DSG4: variants seen among roughly 807,000 people sequenced by gnomAD.
The protein encoded by DSG4 is desmoglein-4.
Under a neutral mutation model 93.1 loss-of-function variants are expected in DSG4, and 87 were observed. That is an observed-to-expected ratio of 0.93 (90% CI 0.79 to 1.12). The LOEUF is 1.12. Ranked by LOEUF, DSG4 falls within the 50% of genes most tolerant of loss-of-function variation. The pLI, the probability that DSG4 is intolerant of heterozygous loss-of-function variation, is 0.00. For missense variants in DSG4, 1,373 were observed against 1,285.7 expected (o/e 1.07, Z -1.04); for synonymous variants, 432 against 452.9 (o/e 0.95, Z 0.59).
chr18:31,401,085 C>T (rs1294048321), intron 10 of DSG4, 65 bp downstream of exon 10: 1 of 1,346,452 alleles, frequency 7.4e-7, no homozygotes, highest in African/African-American at 1.5e-5. Context: ...TTATGTTATT[C>T]TAATGCTGAT....
chr18:31,404,668 A>G (rs1381078020), intron 11 of DSG4, among the ~76,000 whole-genome samples: 1 of 152,232 alleles, frequency 6.6e-6, no homozygotes, highest in Admixed American at 6.5e-5. Flanking sequence ...GTAAGAAATT[A>G]GGCAATTTGT....
chr18:31,413,641 T>TTA lies in DSG4; in HGVS notation c.*46_*47insTA. On this transcript the variant is annotated 3_prime_UTR_variant, in exon 16 of 16. Transcript: ENST00000308128. The stretch of plus-strand genomic sequence containing the variant: ...TATGTGGAGACCTTGCACCTTGTAA[T>TTA]CATCAATACATCCACCAAAAATATA... The TTA allele has an allele frequency of 6.3e-7, 1 of 1,598,130 alleles. No homozygotes were observed. The highest frequency in any genetic ancestry group is 8.5e-7 in the Non-Finnish European group (1 of 1,173,042).
Position 31,386,607 on chromosome 18 carries a change from C to A in DSG4, c.85-81C>A, listed in dbSNP as rs1180928582. The stretch of plus-strand genomic sequence containing the variant: ...TCAATATCACTGTTTCTTCTAAATG[C>A]ACCTTACAATATTAAATAAATGTCC... On this transcript the variant is annotated intron_variant, in intron 2 of 15. Coordinates refer to ENST00000308128, the MANE Select transcript of DSG4 (RefSeq NM_177986.5). 7 of 1,573,700 alleles carry A rather than the reference C, an allele frequency of 4.4e-6. No individual in the cohort carries two copies. The African/African-American group carries it at 5.4e-5, about 12-fold the overall frequency.
intron 10 of DSG4, 34 bp from the exon 11 acceptor site, chr18:31,403,382 T>C (rs747156602): frequency 1.3e-6 from 2 of 1,560,674 alleles, no homozygotes; most frequent in Non-Finnish European, 1.8e-6. Context: ...CCTAACACCA[T>C]TTACCTCAAC....
rs149615937 is a variant in DSG4 at position 31,390,816 on chromosome 18, C to T, written c.678C>T (p.Asp226=). 77 of 1,613,314 alleles carry T rather than the reference C, an allele frequency of 4.8e-5. No individual in the cohort carries two copies. In the African/African-American group the frequency reaches 1.0e-3, roughly 21 times the overall value. The change falls in exon 6 of 16, where the codon GAC becomes GAT. Residue 226 remains aspartate (D), a synonymous_variant. Transcript: ENST00000308128. ...TCTGCACCATGTCCAGTTTCTTGGA[C>T]AGAGAGGTAAAGCCTTCTGTGAATG... The part of the protein sequence containing the change: ...GEVCTMSSFL[D]REQHSMYNLV...
At position 31,409,799 on chromosome 18, in the gene DSG4, G is replaced by T; in HGVS notation, c.2128G>T (p.Asp710Tyr). 6.2e-7 allele frequency: 1 copy of T among 1,614,090 alleles called. No individual in the cohort carries two copies. The highest frequency in any genetic ancestry group is 2.2e-5 in the East Asian group (1 of 44,884). The change falls in exon 14 of 16, where the codon GAT becomes TAT. Residue 710 changes from aspartate to tyrosine, a missense_variant. Asp to Tyr is a radical substitution (Grantham distance 160). Transcript: ENST00000308128. Reference sequence around the variant, plus strand: ...AGCCTCAAATACCCAGGATCGGATGGATTCCTCTGGTCAGTAGACACCAAA... The same window carrying T: ...AGCCTCAAATACCCAGGATCGGATGTATTCCTCTGGTCAGTAGACACCAAA... ...MTASNTQDRM[D>Y]SSEIYTNTYA... is the part of the protein sequence containing the mutation.
At chr18:31,394,491 C>T (rs113840509) in intron 8 of DSG4, among the ~76,000 whole-genome samples, 3,033 of 152,174 alleles carry the variant, frequency 0.02, 100 homozygotes, top group African/African-American at 0.069. Flanking sequence ...GCAGGAGAAT[C>T]GCTTGAACCC....
intron 12 of DSG4, 143 bp downstream of exon 12, chr18:31,406,516 A>T: frequency 1.1e-6 from 1 of 891,188 alleles, no homozygotes; most frequent in Non-Finnish European, 1.8e-6. Flanking sequence ...AAACAATGGG[A>T]CTGACAAATA....
rs759593717 is a variant in DSG4, at chr18:31,382,986, TC to T, written c.49-2148del. ...GACCAAGGTAAAATGAACTCAAAAC[TC>T]CTCATCCGTTTAAACTACAGACAAG... On this transcript the variant is annotated intron_variant, in intron 1 of 15. Coordinates refer to ENST00000308128, the MANE Select transcript of DSG4 (RefSeq NM_177986.5). 7.4e-4 allele frequency among the ~76,000 whole-genome samples: 113 copies of T among 152,324 alleles called. 1 individual carries two copies. Among genetic ancestry groups the T allele is most frequent in the Middle Eastern group, 3.4e-3 (1 of 294 alleles).
At chr18:31,406,503 A>T in intron 12 of DSG4, 130 bp downstream of exon 12, 1 of 1,016,668 alleles carries the variant, frequency 9.8e-7, no homozygotes, top group Non-Finnish European at 1.5e-6. Context: ...GTGCCTTAGA[A>T]ATAAACAATG....
chr18:31,400,034 G>A (rs1156970571), intron 9 of DSG4, among the ~76,000 whole-genome samples: 2 of 152,140 alleles, frequency 1.3e-5, no homozygotes, highest in Non-Finnish European at 2.9e-5. Context: ...CATAGGGAGA[G>A]TCAGAAGAGG....
At chr18:31,391,251 C>T in intron 7 of DSG4, 39 bp downstream of exon 7, 1 of 1,611,578 alleles carries the variant, frequency 6.2e-7, no homozygotes, top group Non-Finnish European at 8.5e-7. Flanking sequence ...CCATAAGTGT[C>T]AATAATCAAT....
intron 1 of DSG4, among the ~76,000 whole-genome samples, chr18:31,381,631 A>C (rs2072135506): frequency 6.6e-6 from 1 of 151,960 alleles, no homozygotes; most frequent in African/African-American, 2.4e-5. Flanking sequence ...TTTCTTTCTC[A>C]GAAATTAGCA....
intron 10 of DSG4, among the ~76,000 whole-genome samples, chr18:31,402,734 A>G: frequency 6.6e-6 from 1 of 152,196 alleles, no homozygotes; most frequent in East Asian, 1.9e-4. Context: ...TCGCTGTAAC[A>G]GAACATAGAG....
chr18:31,411,264 C>A lies in DSG4; in HGVS notation c.2171C>A (p.Thr724Lys). The change falls in exon 15 of 16, where the codon ACG (threonine) becomes AAG (lysine). Residue 724 changes from threonine to lysine, a missense_variant. Coordinates refer to ENST00000308128, the MANE Select transcript of DSG4 (RefSeq NM_177986.5). The stretch of plus-strand genomic sequence containing the variant: ...ACCAACACCTATGCAGCCGGGGGCA[C>A]GGTGGAAGGAGGTGTATCGGGAGTG... Reference protein sequence around the residue: ...IYTNTYAAGGTVEGGVSGVEL... With the variant: ...IYTNTYAAGGKVEGGVSGVEL... 1 of 1,613,612 alleles carries A rather than the reference C, an allele frequency of 6.2e-7. No homozygotes were observed. Among genetic ancestry groups the A allele is most frequent in the Non-Finnish European group, 8.5e-7 (1 of 1,180,018 alleles).
chr18:31,381,211 C>T (rs2072130548), intron 1 of DSG4, among the ~76,000 whole-genome samples: 1 of 152,150 alleles, frequency 6.6e-6, no homozygotes, highest in Non-Finnish European at 1.5e-5. Context: ...TTAACATGGT[C>T]AGTGAGCTTT....
At chr18:31,406,721 T>G (rs1337979681) in intron 12 of DSG4, among the ~76,000 whole-genome samples, 2 of 152,168 alleles carry the variant, frequency 1.3e-5, no homozygotes, top group Non-Finnish European at 2.9e-5. Flanking sequence ...AGGACAATCT[T>G]TTGGAAAAGT....
Position 31,406,449 on chromosome 18 carries a change from G to C in DSG4, c.1933+76G>C. 1.9e-6 allele frequency: 3 copies of C among 1,570,990 alleles called. No homozygotes were observed. In the South Asian group the frequency reaches 3.3e-5, roughly 18 times the overall value. On this transcript the variant is annotated intron_variant, in intron 12 of 15. Coordinates refer to ENST00000308128, the MANE Select transcript of DSG4 (RefSeq NM_177986.5). ...GTTACGAGGCTCGCTGGGATGGTTAGGTTCATGGAGCCATTTCTTTTTGGT... is the reference window on the plus strand; with the variant it reads ...GTTACGAGGCTCGCTGGGATGGTTACGTTCATGGAGCCATTTCTTTTTGGT...
intron 8 of DSG4, among the ~76,000 whole-genome samples, chr18:31,393,465 G>C (rs372774216): frequency 5.3e-5 from 8 of 152,150 alleles, no homozygotes; most frequent in Non-Finnish European, 1.2e-4. Context: ...GAAGGCAAAG[G>C]GGGAGCCAGT....
Sources: gnomAD v4.1 joint callset for allele counts (sites outside exome capture counted in the v4.1 genomes callset) on GRCh38, gnomAD v4.1.1 for gene constraint, MANE v1.5 for transcripts, NCBI Gene and HGNC (gene_info 2026-07-23, HGNC 2026-07-21) for gene names.